The following PTPRD variants were observed in gnomAD, a reference collection of about 807,000 sequenced individuals.
PTPRD encodes the protein receptor-type tyrosine-protein phosphatase delta.
A neutral mutation model predicts 214.5 loss-of-function variants in PTPRD; 34 were observed. The ratio of observed to expected loss-of-function variants is 0.16; its 90% CI spans 0.12 to 0.21. The LOEUF is 0.21. PTPRD is among the 10% of genes least tolerant of loss of function. PTPRD has a pLI of 1.00. For missense variants in PTPRD, 2,545 were observed against 2,398.7 expected, an observed-to-expected ratio of 1.06 and a Z score of -1.27; for synonymous variants, 1,128 against 845.7, an observed-to-expected ratio of 1.33 and a Z score of -5.79.
chr9:8,436,805 A>G lies in PTPRD; in HGVS notation c.3989-116T>C, dbSNP rs146604847. The G allele has an allele frequency of 1.8e-3, 1,399 of 788,126 alleles. 16 individuals are homozygous for G. In the African/African-American group the frequency reaches 0.019, roughly 11 times the overall value. The allele number at this position is 788,126 out of a possible 1,614,324, so 48.8% of individuals were successfully genotyped here. A position where few individuals can be genotyped will look rare whatever the true frequency, so the allele number is the denominator to read the frequency against. Reference sequence around the variant, plus strand: ...TGGCCTGAAAATATGTGAGTAGTAAAGATGTTTTAGGTGAGGAAGCAGGCA... The same window carrying G: ...TGGCCTGAAAATATGTGAGTAGTAAGGATGTTTTAGGTGAGGAAGCAGGCA... On this transcript the variant is annotated intron_variant, in intron 34 of 45. Transcript: ENST00000381196.
chr9:8,323,688 G>T (rs1376220803), intron 44 of PTPRD, among the ~76,000 whole-genome samples: 1 of 152,194 alleles, frequency 6.6e-6, no homozygotes, highest in African/African-American at 2.4e-5. Flanking sequence ...CTGAATACAT[G>T]AGGAGTTGTT....
chr9:10,117,510 ACGTC>A (rs1483920961), intron 3 of PTPRD, among the ~76,000 whole-genome samples: 1 of 152,098 alleles, frequency 6.6e-6, no homozygotes, highest in Non-Finnish European at 1.5e-5. Flanking sequence ...AGGGGAGAAT[ACGTC>A]CTTGCTTCCT....
At chr9:9,585,815 C>G (rs1264202574) in intron 7 of PTPRD, among the ~76,000 whole-genome samples, 1 of 151,896 alleles carries the variant, frequency 6.6e-6, no homozygotes, top group Non-Finnish European at 1.5e-5. Context: ...GCCAGAGACT[C>G]AAAGGTAGGT....
At chr9:9,956,086 T>C (rs984283598) in intron 4 of PTPRD, among the ~76,000 whole-genome samples, 1 of 152,140 alleles carries the variant, frequency 6.6e-6, no homozygotes, top group Non-Finnish European at 1.5e-5. Flanking sequence ...AAAAAATATA[T>C]AGATTTTGCT....
intron 2 of PTPRD, among the ~76,000 whole-genome samples, chr9:10,491,113 A>C (rs771969776): frequency 6.6e-6 from 1 of 152,212 alleles, no homozygotes; most frequent in Non-Finnish European, 1.5e-5. Context: ...CCTGGCCGCT[A>C]TAAGCATATC....
intron 6 of PTPRD, among the ~76,000 whole-genome samples, chr9:9,745,093 G>T (rs1277713987): frequency 6.6e-6 from 1 of 151,934 alleles, no homozygotes; most frequent in Non-Finnish European, 1.5e-5. Context: ...AACATGAAAA[G>T]TAACTTAATT....
intron 11 of PTPRD, among the ~76,000 whole-genome samples, chr9:8,928,774 C>T (rs1335932353): frequency 6.6e-6 from 1 of 152,048 alleles, no homozygotes; most frequent in African/African-American, 2.4e-5. Context: ...CTATAAATTA[C>T]TTGAGGTAAT....
chr9:9,462,515 T>C (rs962146224), intron 8 of PTPRD, among the ~76,000 whole-genome samples: 1 of 152,150 alleles, frequency 6.6e-6, no homozygotes, highest in African/African-American at 2.4e-5. Context: ...ACAGATAAGT[T>C]AAATCAGATT....
intron 11 of PTPRD, among the ~76,000 whole-genome samples, chr9:8,918,573 G>A (rs1185796386): frequency 5.3e-5 from 8 of 152,248 alleles, no homozygotes; most frequent in African/African-American, 1.7e-4. Flanking sequence ...GTATGTGCGT[G>A]TGTGTGTATG....
intron 8 of PTPRD, among the ~76,000 whole-genome samples, chr9:9,435,735 T>C (rs1289259271): frequency 6.6e-6 from 1 of 152,176 alleles, no homozygotes; most frequent in Non-Finnish European, 1.5e-5. Flanking sequence ...TATTAATATT[T>C]GGTTTTCAAT....
At chr9:9,730,680 A>G (rs2098173359) in intron 7 of PTPRD, among the ~76,000 whole-genome samples, 2 of 152,130 alleles carry the variant, frequency 1.3e-5, no homozygotes, top group South Asian at 2.1e-4. Flanking sequence ...CTCAGTATAT[A>G]TAGTCTTTAG....
chr9:10,260,494 T>A (rs2093621913), intron 3 of PTPRD, among the ~76,000 whole-genome samples: 1 of 152,166 alleles, frequency 6.6e-6, no homozygotes, highest in Admixed American at 6.6e-5. Context: ...CCAACTAAGA[T>A]GTATTTCTCC....
chr9:8,590,012 G>A (rs2093976866), intron 14 of PTPRD, among the ~76,000 whole-genome samples: 1 of 152,082 alleles, frequency 6.6e-6, no homozygotes, highest in Non-Finnish European at 1.5e-5. Flanking sequence ...AAAGATTTCT[G>A]GGGTTATGAA....
At chr9:10,262,968 C>T (rs574373822) in intron 3 of PTPRD, among the ~76,000 whole-genome samples, 130 of 152,214 alleles carry the variant, frequency 8.5e-4, no homozygotes, top group African/African-American at 2.8e-3. Context: ...GTAGTGAATA[C>T]ATCTCAAGAG....
intron 11 of PTPRD, among the ~76,000 whole-genome samples, chr9:8,797,485 A>G (rs1244855386): frequency 6.6e-6 from 1 of 152,198 alleles, no homozygotes; most frequent in African/African-American, 2.4e-5. Context: ...TATATGATGC[A>G]GTTAGGAAAA....
intron 14 of PTPRD, among the ~76,000 whole-genome samples, chr9:8,561,097 G>T (rs2086092258): frequency 6.6e-6 from 1 of 152,096 alleles, no homozygotes; most frequent in Admixed American, 6.6e-5. Context: ...CTGAGAACCT[G>T]TCTTCCCATT....
At chr9:9,982,157 G>A (rs2095563107) in intron 4 of PTPRD, among the ~76,000 whole-genome samples, 1 of 152,056 alleles carries the variant, frequency 6.6e-6, no homozygotes, top group Non-Finnish European at 1.5e-5. Flanking sequence ...TTCCGAAAGG[G>A]TTGCCAAAAT....
intron 11 of PTPRD, among the ~76,000 whole-genome samples, chr9:8,881,900 T>C (rs1282486211): frequency 6.6e-6 from 1 of 152,222 alleles, no homozygotes; most frequent in East Asian, 1.9e-4. Context: ...GTCTTCTTAC[T>C]CGGAGGAAAG....
chr9:10,104,432 C>T (rs2098603686), intron 3 of PTPRD, among the ~76,000 whole-genome samples: 1 of 151,654 alleles, frequency 6.6e-6, no homozygotes, highest in Admixed American at 6.6e-5. Context: ...TATGCACACA[C>T]ACATAATGCA....
Sources: allele counts gnomAD v4.1 joint callset (sites outside exome capture counted in the v4.1 genomes callset), GRCh38; gene constraint gnomAD v4.1.1; transcripts MANE v1.5; gene names NCBI Gene and HGNC (gene_info 2026-07-23, HGNC 2026-07-21).